The following TTF2 variants were observed in gnomAD, a reference collection of about 807,000 sequenced individuals.
TTF2 encodes the protein transcription termination factor 2.
Under a neutral mutation model 142.4 loss-of-function variants are expected in TTF2, and 108 were observed. That is an observed-to-expected ratio of 0.76 (90% CI 0.65 to 0.89). TTF2 has a LOEUF of 0.89. Among genes scored for constraint, TTF2 ranks in the 40% least tolerant of loss-of-function variants. The pLI, the probability that TTF2 is intolerant of heterozygous loss-of-function variation, is 0.00. For missense variants in TTF2, 1,327 were observed against 1,379.8 expected (o/e 0.96, Z 0.61); for synonymous variants, 483 against 506.2 (o/e 0.95, Z 0.61).
chr1:117,069,886 C>T (rs1176020956), intron 3 of TTF2, among the ~76,000 whole-genome samples: 1 of 152,204 alleles, frequency 6.6e-6, no homozygotes, highest in Non-Finnish European at 1.5e-5. Context: ...GTCCCTTCAT[C>T]GTTATTGCCT....
rs1177917104 is a variant in TTF2, at chr1:117,073,314, C to G, written c.219-347C>G. ...CATTGCTTTGTAGCTAGTGTTGTGA[C>G]CCCCCTTCAGGGACACACAGTGTCT... On this transcript the variant is annotated intron_variant, in intron 3 of 22. Transcript: ENST00000369466. This position sits in a 1 kb window ranked among gnomAD's most constrained non-coding sequence, Gnocchi z 4.4. Among the ~76,000 whole-genome samples the G allele has an allele frequency of 6.6e-6, 1 of 152,026 alleles. No homozygotes were observed. Among genetic ancestry groups the G allele is most frequent in the Non-Finnish European group, 1.5e-5 (1 of 68,000 alleles).
rs1005756175 is a variant in TTF2 at position 117,060,577 on chromosome 1, C to G, written c.131+20C>G. ...CACCGAGTAGGTCTGGAGCTGGGCCCCACTCCCTGTGGCTGCCCGGGGCCT... is the reference window on the plus strand; with the variant it reads ...CACCGAGTAGGTCTGGAGCTGGGCCGCACTCCCTGTGGCTGCCCGGGGCCT... On this transcript the variant is annotated intron_variant, in intron 2 of 22. Coordinates refer to ENST00000369466, the MANE Select transcript of TTF2 (RefSeq NM_003594.4). The G allele has an allele frequency of 5.1e-6, 8 of 1,583,952 alleles. No individual in the cohort carries two copies. The Admixed American group carries it at 5.4e-5, about 11-fold the overall frequency.
In TTF2 at chr1:117,093,964, A is replaced by G. The variant is rs764002496; in HGVS notation, c.2976+1063A>G. Reference sequence around the variant, plus strand: ...CCTGCTGCAGTTTTCTCAAAACACCATGGCTAGCTTTTTCATGTGGGAGTC... The same window carrying G: ...CCTGCTGCAGTTTTCTCAAAACACCGTGGCTAGCTTTTTCATGTGGGAGTC... On this transcript the variant is annotated intron_variant, in intron 18 of 22. Coordinates refer to ENST00000369466, the MANE Select transcript of TTF2 (RefSeq NM_003594.4). This position sits in a 1 kb window ranked among gnomAD's most constrained non-coding sequence, Gnocchi z 4.5. Among the ~76,000 whole-genome samples the G allele has an allele frequency of 2.0e-5, 3 of 152,194 alleles. No homozygotes were observed. The highest frequency in any genetic ancestry group is 2.9e-5 in the Non-Finnish European group (2 of 68,032).
rs1353539525 is a variant in TTF2 at position 117,075,413 on chromosome 1, A to G, written c.829A>G (p.Lys277Glu). The G allele has an allele frequency of 1.2e-6, 2 of 1,614,156 alleles. No individual in the cohort carries two copies. Among genetic ancestry groups the G allele is most frequent in the Non-Finnish European group, 1.7e-6 (2 of 1,180,012 alleles). ...TCACAACTCAATAAGCAAGCCCCAGAAAGGGGGACCCCTCAACAAGGAGTA... is the reference window on the plus strand; with the variant it reads ...TCACAACTCAATAAGCAAGCCCCAGGAAGGGGGACCCCTCAACAAGGAGTA... ...HSHNSISKPQ[K>E]GGPLNKEYTN... Residue 277 changes from lysine to glutamate, a missense_variant, in exon 5 of 23, where the codon AAA becomes GAA. Transcript: ENST00000369466. This position sits in a 1 kb window ranked among gnomAD's most constrained non-coding sequence, Gnocchi z 4.5.
In TTF2 at chr1:117,077,920, T is replaced by C. The variant is rs1334677926; in HGVS notation, c.1578T>C (p.His526=). Residue 526 remains histidine, a synonymous_variant, in exon 8 of 23, where the codon CAT becomes CAC. Coordinates refer to ENST00000369466, the MANE Select transcript of TTF2 (RefSeq NM_003594.4). ...GTAACACCTATTTGTATGCAGGCCA[T>C]ACAAACCAAGATCACGTTCATGCAG... The part of the protein sequence containing the change: ...AGGSSQCYRG[H]TNQDHVHAVW... The C allele has an allele frequency of 6.2e-7, 1 of 1,614,004 alleles. No individual in the cohort carries two copies. Among genetic ancestry groups the C allele is most frequent in the Non-Finnish European group, 8.5e-7 (1 of 1,179,988 alleles).
chr1:117,089,957 A>G, intron 13 of TTF2, 98 bp from the exon 14 acceptor site: 1 of 1,395,136 alleles, frequency 7.2e-7, no homozygotes, highest in Non-Finnish European at 9.7e-7. Context: ...GTGTAACAGA[A>G]AATCTGATTT....
intron 2 of TTF2, 30 bp downstream of exon 2, chr1:117,060,587 T>G (rs1655587404): frequency 1.3e-6 from 2 of 1,567,768 alleles, no homozygotes; most frequent in Admixed American, 1.9e-5. Flanking sequence ...CCACTCCCTG[T>G]GGCTGCCCGG....
At chr1:117,077,829 A>G (rs2101040116) in intron 7 of TTF2, 87 bp from the exon 8 acceptor site, 1 of 1,544,708 alleles carries the variant, frequency 6.5e-7, no homozygotes, top group Non-Finnish European at 8.9e-7. Flanking sequence ...AGAAACAGAT[A>G]CAGGGCCATT....
chr1:117,069,546 C>T (rs74111937), intron 3 of TTF2, among the ~76,000 whole-genome samples: 2,584 of 152,258 alleles, frequency 0.017, 80 homozygotes, highest in African/African-American at 0.058. Flanking sequence ...CTTTTAAGAC[C>T]TTGGTATGTA....
Position 117,090,689 on chromosome 1 carries a change from G to C in TTF2, c.2588+66G>C, listed in dbSNP as rs1648491950. On this transcript the variant is annotated intron_variant, in intron 15 of 22. Coordinates refer to ENST00000369466, the MANE Select transcript of TTF2 (RefSeq NM_003594.4). This position sits in a 1 kb window ranked among gnomAD's most constrained non-coding sequence, Gnocchi z 4.8. ...TATTCCTGTCTTTTCTTGGGAGTGA[G>C]TTGAAGGTCAAATTTCCACAAACTT... The C allele has an allele frequency of 7.3e-7, 1 of 1,364,908 alleles. No individual in the cohort carries two copies. The allele number at this position is 1,364,908 out of a possible 1,614,324, so 84.5% of individuals were successfully genotyped here.
At chr1:117,061,173 T>G (rs1261528741) in intron 2 of TTF2, among the ~76,000 whole-genome samples, 1 of 152,168 alleles carries the variant, frequency 6.6e-6, no homozygotes, top group Non-Finnish European at 1.5e-5. Flanking sequence ...GCGAATCGCT[T>G]GAGCCCAGGG....
chr1:117,091,699 C>G (rs1011333100), intron 16 of TTF2, 118 bp from the exon 17 acceptor site: 1 of 1,339,738 alleles, frequency 7.5e-7, no homozygotes, highest in African/African-American at 1.5e-5. Flanking sequence ...TGAGTTGTAA[C>G]TATATTATTG....
In TTF2 at chr1:117,079,597, A is replaced by C. The variant is rs766933804; in HGVS notation, c.1731A>C (p.Ala577=). The change falls in exon 9 of 23, where the codon GCA becomes GCC. Residue 577 remains alanine, a synonymous_variant. Transcript: ENST00000369466. This position sits in a 1 kb window ranked among gnomAD's most constrained non-coding sequence, Gnocchi z 4.2. ...CTTTGCTACTACACCAGAAGCAGGC[A>C]TTGGCTTGGTTACTATGGCGAGAAA... ...KVPLLLHQKQ[A]LAWLLWRESQ... is the part of the protein sequence containing the mutation. 3 of 1,614,128 alleles carry C rather than the reference A, an allele frequency of 1.9e-6. No homozygotes were observed. In the African/African-American group the frequency reaches 4.0e-5, roughly 22 times the overall value.
rs1159341963 is a variant in TTF2 at position 117,103,135 on chromosome 1, TTC to T, written c.*1613_*1614del. 6.6e-6 allele frequency: 1 copy of T among 152,210 alleles called. No homozygotes were observed. The highest frequency in any genetic ancestry group is 1.5e-5 in the Non-Finnish European group (1 of 68,050). 9.4% of individuals were successfully genotyped at this position (152,210 alleles called of 1,614,324 possible). A position where few individuals can be genotyped will look rare whatever the true frequency, so the allele number is the denominator to read the frequency against. On this transcript the variant is annotated 3_prime_UTR_variant, in exon 23 of 23. Coordinates refer to ENST00000369466, the MANE Select transcript of TTF2 (RefSeq NM_003594.4). ...GAAGGTGAAGCCACTAGCTCAGCAG[TTC>T]TTAGCCTAGTTTTTGGCCATCAGCC...
chr1:117,084,151 G>A lies in TTF2; in HGVS notation c.2037G>A (p.Arg679=), dbSNP rs35985273. 1.2e-6 allele frequency: 2 copies of A among 1,614,030 alleles called. No homozygotes were observed. Among genetic ancestry groups the A allele is most frequent in the African/African-American group, 2.7e-5 (2 of 74,896 alleles). ...LRVYLYHGPN[R]DSRARVLSTY... is the part of the protein sequence containing the mutation. Reference sequence around the variant, plus strand: ...TCTATCTCTACCATGGGCCAAACCGGGATTCACGTGCCAGAGTGTAAGTGC... The same window carrying A: ...TCTATCTCTACCATGGGCCAAACCGAGATTCACGTGCCAGAGTGTAAGTGC... Residue 679 remains arginine, a synonymous_variant, in exon 11 of 23, where the codon CGG becomes CGA. Transcript: ENST00000369466.
rs557519957 is a variant in TTF2 at position 117,076,560 on chromosome 1, T to C, written c.1391-81T>C. The C allele has an allele frequency of 7.0e-7, 1 of 1,419,700 alleles. No homozygotes were observed. Among genetic ancestry groups the C allele is most frequent in the African/African-American group, 1.4e-5 (1 of 70,256 alleles). The allele number at this position is 1,419,700 out of a possible 1,614,324, so 87.9% of individuals were successfully genotyped here. On this transcript the variant is annotated intron_variant, in intron 6 of 22. Coordinates refer to ENST00000369466, the MANE Select transcript of TTF2 (RefSeq NM_003594.4). This position sits in a 1 kb window ranked among gnomAD's most constrained non-coding sequence, Gnocchi z 4.6. ...CATCGGAATGGTGATGATCCCTCTC[T>C]CTTGACCTCACCTCCACACATATGG...
chr1:117,102,609 G>A lies in TTF2; in HGVS notation c.*1085G>A, dbSNP rs536707944. On this transcript the variant is annotated 3_prime_UTR_variant, in exon 23 of 23. Coordinates refer to ENST00000369466, the MANE Select transcript of TTF2 (RefSeq NM_003594.4). ...TATAACATTTCTATTTGTAGTATTT[G>A]TATAATATTTGTGTCATTTTTAATA... 1.3e-5 allele frequency: 2 copies of A among 152,176 alleles called. No individual in the cohort carries two copies. The highest frequency in any genetic ancestry group is 4.2e-4 in the South Asian group (2 of 4,816). 9.4% of individuals were successfully genotyped at this position (152,176 alleles called of 1,614,324 possible).
chr1:117,088,718 C>T, intron 12 of TTF2, 83 bp from the exon 13 acceptor site: 1 of 1,487,012 alleles, frequency 6.7e-7, no homozygotes, highest in Non-Finnish European at 9.1e-7. Flanking sequence ...GTCCTCCATG[C>T]TTGCCTGCTA....
chr1:117,077,902 C>T lies in TTF2; in HGVS notation c.1574-14C>T. ...ACTTGTGACATCTTTTAGGTAACACCTATTTGTATGCAGGCCATACAAACC... is the reference window on the plus strand; with the variant it reads ...ACTTGTGACATCTTTTAGGTAACACTTATTTGTATGCAGGCCATACAAACC... On this transcript the variant is annotated splice_polypyrimidine_tract_variant and intron_variant, in intron 7 of 22. Transcript: ENST00000369466. 6.2e-6 allele frequency: 10 copies of T among 1,613,762 alleles called. No homozygotes were observed. The highest frequency in any genetic ancestry group is 8.5e-6 in the Non-Finnish European group (10 of 1,179,784).
Sources: gnomAD v4.1 joint callset for allele counts (sites outside exome capture counted in the v4.1 genomes callset) on GRCh38, gnomAD v4.1.1 for gene constraint, Gnocchi (gnomAD v3.1) non-coding constraint, MANE v1.5 for transcripts, NCBI Gene and HGNC (gene_info 2026-07-23, HGNC 2026-07-21) for gene names.